SEC24D: variants seen among roughly 807,000 people sequenced by gnomAD.
SEC24D encodes the protein protein transport protein Sec24D.
A neutral mutation model predicts 116.9 loss-of-function variants in SEC24D; 69 were observed. The ratio of observed to expected loss-of-function variants is 0.59; its 90% CI spans 0.49 to 0.72. The LOEUF (loss-of-function observed/expected upper bound fraction) is 0.72. Among genes scored for constraint, SEC24D ranks in the 30% least tolerant of loss-of-function variants. The pLI is 0.00. For synonymous variants in SEC24D, 405 were observed against 442.8 expected (o/e 0.91, Z 1.07); for missense variants, 1,131 against 1,264.1 (o/e 0.89, Z 1.60).
In SEC24D at chr4:118,723,251, C is replaced by A; in HGVS notation, c.*264G>T. ...ATGTTTATGGTTCTGTAAACTTTGC[C>A]TTTTATGAAATGCAAACCACATCAG... On this transcript the variant is annotated 3_prime_UTR_variant, in exon 23 of 23. Transcript: ENST00000280551. 6.5e-6 allele frequency: 2 copies of A among 305,348 alleles called. No individual in the cohort carries two copies. Among genetic ancestry groups the A allele is most frequent in the Non-Finnish European group, 1.2e-5 (2 of 167,670 alleles). The allele number at this position is 305,348 out of a possible 1,614,324, so 18.9% of individuals were successfully genotyped here.
intron 8 of SEC24D, among the ~76,000 whole-genome samples, chr4:118,780,119 G>C (rs1199150529): frequency 2.0e-5 from 3 of 152,102 alleles, no homozygotes; most frequent in Non-Finnish European, 4.4e-5. Flanking sequence ...CTGCTCTGAT[G>C]TTAGTTATTC....
intron 8 of SEC24D, among the ~76,000 whole-genome samples, chr4:118,784,060 G>GT (rs1389502075): frequency 6.6e-6 from 1 of 152,212 alleles, no homozygotes. Flanking sequence ...GAAAACACTG[G>GT]TGACTAACCA....
intron 22 of SEC24D, 47 bp from the exon 23 acceptor site, chr4:118,723,702 T>C (rs750557440): frequency 2.2e-5 from 35 of 1,574,084 alleles, no homozygotes; most frequent in Non-Finnish European, 2.8e-5. Context: ...TTATAAACAT[T>C]ATTTGAAAAT....
chr4:118,761,657 A>G (rs1258759139), intron 10 of SEC24D, among the ~76,000 whole-genome samples: 1 of 152,234 alleles, frequency 6.6e-6, no homozygotes, highest in African/African-American at 2.4e-5. Flanking sequence ...TTGAATTTGA[A>G]TATGTTTTGA....
At chr4:118,765,052 A>T (rs1727576559) in intron 9 of SEC24D, 135 bp from the exon 10 acceptor site, 1 of 575,290 alleles carries the variant, frequency 1.7e-6, no homozygotes, top group Non-Finnish European at 3.1e-6. Flanking sequence ...AATGTAGTAT[A>T]CCGTAAATAC....
intron 7 of SEC24D, among the ~76,000 whole-genome samples, chr4:118,800,421 T>A (rs1578450310): frequency 6.6e-6 from 1 of 152,314 alleles, no homozygotes; most frequent in South Asian, 2.1e-4. Context: ...GCTTTTATTC[T>A]GTTCATTTCC....
intron 8 of SEC24D, among the ~76,000 whole-genome samples, chr4:118,779,368 T>C (rs1013412387): frequency 1.3e-5 from 2 of 152,196 alleles, no homozygotes; most frequent in Non-Finnish European, 2.9e-5. Context: ...AATCATGTGG[T>C]TTTTGTCATT....
At position 118,732,925 on chromosome 4, in the gene SEC24D, A is replaced by AT; in HGVS notation, c.2497-14dup. 6.2e-7 allele frequency: 1 copy of AT among 1,610,578 alleles called. No individual in the cohort carries two copies. The highest frequency in any genetic ancestry group is 8.5e-7 in the Non-Finnish European group (1 of 1,177,302). ...CTGGTAGAATAAGCTGAAAAAGACA[A>AT]TTTTTTGTTTCATACGCTTGATCTT... On this transcript the variant is annotated splice_polypyrimidine_tract_variant and intron_variant, in intron 19 of 22. Coordinates refer to ENST00000280551, the MANE Select transcript of SEC24D (RefSeq NM_014822.4).
intron 2 of SEC24D, chr4:118,825,341 C>T: frequency 3.2e-6 from 1 of 315,436 alleles, no homozygotes; most frequent in Non-Finnish European, 6.2e-6. Flanking sequence ...GTCAGATTCA[C>T]CATGCTTGCT....
chr4:118,773,516 T>C (rs1728004320), intron 8 of SEC24D, among the ~76,000 whole-genome samples: 1 of 152,182 alleles, frequency 6.6e-6, no homozygotes, highest in Non-Finnish European at 1.5e-5. Context: ...TGCTTATTCT[T>C]TGGAACTGTC....
At chr4:118,758,684 CA>C (rs1400366480) in intron 10 of SEC24D, 1 of 151,998 alleles carries the variant, frequency 6.6e-6, no homozygotes, top group East Asian at 1.9e-4. Context: ...TAATAAATCA[CA>C]AAAATTTTCT....
intron 6 of SEC24D, among the ~76,000 whole-genome samples, chr4:118,810,073 G>GGTGTGTGTGTGT (rs1560736678): frequency 2.1e-5 from 1 of 47,832 alleles, no homozygotes; most frequent in African/African-American, 9.9e-5. Context: ...GTCAGAGGTA[G>GGTGTGTGTGTGT]CTGTGTGTGT....
chr4:118,772,489 C>G (rs1251429196), intron 8 of SEC24D, among the ~76,000 whole-genome samples: 23 of 152,172 alleles, frequency 1.5e-4, no homozygotes. Context: ...TGTATAGAAA[C>G]TACAGAATGT....
chr4:118,793,155 G>A (rs1189896329), intron 8 of SEC24D, among the ~76,000 whole-genome samples: 1 of 152,178 alleles, frequency 6.6e-6, no homozygotes, highest in East Asian at 1.9e-4. Context: ...TGTCATGGAA[G>A]CCAAAAGAGG....
rs73842254 is a variant in SEC24D, at chr4:118,815,129, C to A, written c.700G>T (p.Ala234Ser). The change falls in exon 6 of 23, where the codon GCA (alanine) becomes TCA (serine). Residue 234 changes from alanine to serine, a missense_variant. Transcript: ENST00000280551. ...AAGCCTCCTGGGTAAGACAGTTGTG[C>A]GCCTGCCATCTGGGGACCAGAGTTG... ...QANSGPQMAG[A>S]QLSYPGGFPG... 8.1e-6 allele frequency: 13 copies of A among 1,613,944 alleles called. No individual in the cohort carries two copies. The East Asian group carries it at 2.9e-4, about 36-fold the overall frequency.
At chr4:118,824,074 C>CATGT (rs1730500851) in intron 3 of SEC24D, among the ~76,000 whole-genome samples, 1 of 152,168 alleles carries the variant, frequency 6.6e-6, no homozygotes, top group Non-Finnish European at 1.5e-5. Flanking sequence ...TCAAAACTAA[C>CATGT]ATGTATGGTA....
intron 7 of SEC24D, among the ~76,000 whole-genome samples, chr4:118,804,751 T>C (rs1729595480): frequency 1.3e-5 from 2 of 152,104 alleles, no homozygotes; most frequent in South Asian, 2.1e-4. Flanking sequence ...AAGGAAAAAT[T>C]ATTTTTAGAA....
At chr4:118,828,319 C>T (rs1371002063) in intron 2 of SEC24D, among the ~76,000 whole-genome samples, 1 of 152,098 alleles carries the variant, frequency 6.6e-6, no homozygotes, top group African/African-American at 2.4e-5. Context: ...CCATGTTAGC[C>T]AGGGTGGTCT....
chr4:118,781,280 C>T (rs563744747), intron 8 of SEC24D, among the ~76,000 whole-genome samples: 2 of 152,046 alleles, frequency 1.3e-5, no homozygotes, highest in Non-Finnish European at 2.9e-5. Context: ...TAGGGCAGGC[C>T]TGGTGGTGAC....
Sources: gnomAD v4.1 joint callset for allele counts (sites outside exome capture counted in the v4.1 genomes callset) on GRCh38, gnomAD v4.1.1 for gene constraint, MANE v1.5 for transcripts, NCBI Gene and HGNC (gene_info 2026-07-23, HGNC 2026-07-21) for gene names.